Variants in SPTY2D1 observed in about 807,000 individuals in gnomAD.
The protein encoded by SPTY2D1 is SPT2 chromatin protein domain containing 1.
In SPTY2D1, 21 loss-of-function variants were observed where a neutral mutation model predicts 64.0. The observed-to-expected ratio is 0.33, with a 90% confidence interval of 0.23 to 0.47. The LOEUF (loss-of-function observed/expected upper bound fraction) is 0.47, where lower values mean the gene tolerates loss of function less well. Ranked by LOEUF, SPTY2D1 falls within the 20% of genes least tolerant of loss-of-function variation. The pLI, the probability that SPTY2D1 is intolerant of heterozygous loss-of-function variation, is 1.00. For missense variants in SPTY2D1, 724 were observed against 837.2 expected (o/e 0.86, Z 1.67); for synonymous variants, 287 against 286.8 (o/e 1.00, Z -0.01).
At position 18,611,440 on chromosome 11, in the gene SPTY2D1, G is replaced by C. The variant is rs1854205298; in HGVS notation, c.1964+37C>G. 22 of 1,587,178 alleles carry C rather than the reference G, an allele frequency of 1.4e-5. No individual in the cohort carries two copies. In the East Asian group the frequency reaches 4.9e-4, roughly 35 times the overall value. On this transcript the variant is annotated intron_variant, in intron 5 of 5. Coordinates refer to ENST00000336349, the MANE Select transcript of SPTY2D1 (RefSeq NM_194285.3). ...GCAATAAGCAGAAAGGAATTTTTAG[G>C]ACATTTTTGCACAAGTATGCTAAAT...
chr11:18,619,939 C>T (rs186154533), intron 1 of SPTY2D1, among the ~76,000 whole-genome samples: 1 of 152,262 alleles, frequency 6.6e-6, no homozygotes, highest in East Asian at 1.9e-4. Flanking sequence ...TGAGCACTAT[C>T]TAACATGATT....
At position 18,607,183 on chromosome 11, in the gene SPTY2D1, G is replaced by A. The variant is rs10832948; in HGVS notation, c.*2678C>T. ...CGGCCAGACTTACTTTTTTGTTAAC[G>A]GTCTTTGAACCTTTTCACGGCACAC... On this transcript the variant is annotated 3_prime_UTR_variant, in exon 6 of 6. Coordinates refer to ENST00000336349, the MANE Select transcript of SPTY2D1 (RefSeq NM_194285.3). 51,781 of 162,546 alleles carry A rather than the reference G, an allele frequency of 0.32. 9,705 individuals are homozygous for A. Among genetic ancestry groups the A allele is most frequent in the Middle Eastern group, 0.43 (143 of 334 alleles). 10.1% of individuals were successfully genotyped at this position (162,546 alleles called of 1,614,324 possible).
intron 1 of SPTY2D1, among the ~76,000 whole-genome samples, chr11:18,618,710 T>C (rs756879011): frequency 2.6e-5 from 4 of 152,222 alleles, no homozygotes; most frequent in Non-Finnish European, 5.9e-5. Flanking sequence ...CAAAAAAGTA[T>C]TCCCAAATAT....
At chr11:18,628,010 T>C (rs923046540) in intron 1 of SPTY2D1, among the ~76,000 whole-genome samples, 1 of 152,198 alleles carries the variant, frequency 6.6e-6, no homozygotes, top group Non-Finnish European at 1.5e-5. Flanking sequence ...GTGGCATCAC[T>C]GGACTCCAGC....
intron 1 of SPTY2D1, among the ~76,000 whole-genome samples, chr11:18,621,197 T>C (rs966903003): frequency 2.6e-5 from 4 of 151,616 alleles, no homozygotes; most frequent in Non-Finnish European, 5.9e-5. Flanking sequence ...CTCTGGAGGC[T>C]GAGGCAGTAA....
rs932165505 is a variant in SPTY2D1, at chr11:18,608,015, T to G, written c.*1846A>C. ...AAAATATATATATCCAATAAAAAAT[T>G]TTTGAAGGGGGAATAAAAGCACATA... On this transcript the variant is annotated 3_prime_UTR_variant, in exon 6 of 6. Transcript: ENST00000336349. 3 of 152,426 alleles carry G rather than the reference T, an allele frequency of 2.0e-5. No individual in the cohort carries two copies. The highest frequency in any genetic ancestry group is 7.2e-5 in the African/African-American group (3 of 41,402). The allele number at this position is 152,426 out of a possible 1,614,324, so 9.4% of individuals were successfully genotyped here.
In SPTY2D1 at chr11:18,606,868, CT is replaced by C. The variant is rs906893029; in HGVS notation, c.*2992del. On this transcript the variant is annotated 3_prime_UTR_variant, in exon 6 of 6. Coordinates refer to ENST00000336349, the MANE Select transcript of SPTY2D1 (RefSeq NM_194285.3). ...AAATGAAAATTTGAGTTCCCACATT[CT>C]TTTTTTTTTGACATGGAGTCTCGCT... 8.2e-3 allele frequency: 2,553 copies of C among 312,496 alleles called. No homozygotes were observed. The highest frequency in any genetic ancestry group is 0.014 in the South Asian group (533 of 39,320). 19.4% of individuals were successfully genotyped at this position (312,496 alleles called of 1,614,324 possible). A position where few individuals can be genotyped will look rare whatever the true frequency, so the allele number is the denominator to read the frequency against.
At chr11:18,621,557 A>G (rs1042097615) in intron 1 of SPTY2D1, among the ~76,000 whole-genome samples, 1 of 152,140 alleles carries the variant, frequency 6.6e-6, no homozygotes, top group Non-Finnish European at 1.5e-5. Context: ...AACACCTCTA[A>G]TCATTAAGGA....
chr11:18,611,333 T>C lies in SPTY2D1; in HGVS notation c.1964+144A>G, dbSNP rs1854202956. ...AAAAACAGAACTGTTAAGGAATTTG[T>C]CCAAGGCCCCACAGCTAGTAAACAG... On this transcript the variant is annotated intron_variant, in intron 5 of 5. Coordinates refer to ENST00000336349, the MANE Select transcript of SPTY2D1 (RefSeq NM_194285.3). The C allele has an allele frequency of 1.5e-5, 11 of 743,870 alleles. No individual in the cohort carries two copies. The Admixed American group carries it at 2.4e-4, about 16-fold the overall frequency. 46.1% of individuals were successfully genotyped at this position (743,870 alleles called of 1,614,324 possible). A position where few individuals can be genotyped will look rare whatever the true frequency, so the allele number is the denominator to read the frequency against.
chr11:18,614,239 A>G (rs1187701283), intron 3 of SPTY2D1, among the ~76,000 whole-genome samples: 1 of 152,204 alleles, frequency 6.6e-6, no homozygotes, highest in Non-Finnish European at 1.5e-5. Context: ...TATAGGCAAC[A>G]TACTGAAACC....
At chr11:18,620,843 C>T (rs989690842) in intron 1 of SPTY2D1, among the ~76,000 whole-genome samples, 7 of 145,592 alleles carry the variant, frequency 4.8e-5, no homozygotes, top group South Asian at 4.3e-4. Context: ...GCCGAGATCG[C>T]GCCACTGCAC....
At chr11:18,621,640 A>T (rs777077995) in intron 1 of SPTY2D1, among the ~76,000 whole-genome samples, 12 of 152,222 alleles carry the variant, frequency 7.9e-5, no homozygotes, top group Non-Finnish European at 1.6e-4. Flanking sequence ...ATGCAGCAGA[A>T]ACTCAATAAA....
At chr11:18,628,988 G>A (rs1854542787) in intron 1 of SPTY2D1, among the ~76,000 whole-genome samples, 1 of 152,094 alleles carries the variant, frequency 6.6e-6, no homozygotes, top group Non-Finnish European at 1.5e-5. Flanking sequence ...AATGTCCTGG[G>A]CTCTTACTTT....
intron 1 of SPTY2D1, among the ~76,000 whole-genome samples, chr11:18,619,367 C>T (rs1590402546): frequency 6.6e-6 from 1 of 151,406 alleles, no homozygotes; most frequent in African/African-American, 2.4e-5. Context: ...GCCTGTAATC[C>T]TAGCACTTTA....
At chr11:18,625,048 G>A (rs72881337) in intron 1 of SPTY2D1, among the ~76,000 whole-genome samples, 3,873 of 152,294 alleles carry the variant, frequency 0.025, 55 homozygotes, top group Middle Eastern at 0.044. Context: ...TTACCCAGGA[G>A]ATAACATATT....
At position 18,625,192 on chromosome 11, in the gene SPTY2D1, T is replaced by G. The variant is rs539585870; in HGVS notation, c.61-8203A>C. On this transcript the variant is annotated intron_variant, in intron 1 of 5. Coordinates refer to ENST00000336349, the MANE Select transcript of SPTY2D1 (RefSeq NM_194285.3). ...AATAATCACCACAGTTTTTAAAAAT[T>G]TTCTCAGAACATCAGAGTCAGAGAA... Among the ~76,000 whole-genome samples the G allele has an allele frequency of 5.9e-5, 9 of 152,272 alleles. 1 individual carries two copies. The highest frequency in any genetic ancestry group is 2.2e-4 in the African/African-American group (9 of 41,562).
chr11:18,620,267 G>A (rs2134113662), intron 1 of SPTY2D1, among the ~76,000 whole-genome samples: 1 of 152,022 alleles, frequency 6.6e-6, no homozygotes, highest in East Asian at 1.9e-4. Context: ...TTGAGGTCAG[G>A]GGTTCGAGAC....
intron 2 of SPTY2D1, among the ~76,000 whole-genome samples, 199 bp from the exon 3 acceptor site, chr11:18,616,297 T>G (rs1854299400): frequency 6.6e-6 from 1 of 152,182 alleles, no homozygotes; most frequent in Non-Finnish European, 1.5e-5. Context: ...ACTAAGCAAG[T>G]GGGAGACTTG....
chr11:18,616,825 T>C (rs2134111776), intron 2 of SPTY2D1, 50 bp downstream of exon 2: 2 of 1,567,176 alleles, frequency 1.3e-6, no homozygotes, highest in Non-Finnish European at 1.8e-6. Flanking sequence ...ACAAGCTAGA[T>C]GGTGAAGATG....
Sources: gnomAD v4.1 joint callset for allele counts (sites outside exome capture counted in the v4.1 genomes callset) on GRCh38, gnomAD v4.1.1 for gene constraint, MANE v1.5 for transcripts, NCBI Gene and HGNC (gene_info 2026-07-23, HGNC 2026-07-21) for gene names.